Variants in GPC6 observed in about 807,000 individuals in gnomAD.
GPC6 encodes the protein glypican 6, also known as glypican-6.
In GPC6, 14 loss-of-function variants were observed where a neutral mutation model predicts 55.2. The observed-to-expected ratio is 0.25, with a 90% CI of 0.17 to 0.40. The LOEUF is 0.40. Ranked by LOEUF, GPC6 falls within the 10% of genes least tolerant of loss-of-function variation. The pLI, the probability that GPC6 is intolerant of heterozygous loss-of-function variation, is 1.00. For missense variants in GPC6, 641 were observed against 708.5 expected, an observed-to-expected ratio of 0.90 and a Z score of 1.08; for synonymous variants, 278 against 259.6, an observed-to-expected ratio of 1.07 and a Z score of -0.68.
intron 4 of GPC6, among the ~76,000 whole-genome samples, chr13:94,050,604 G>C (rs980142044): frequency 6.6e-6 from 1 of 152,158 alleles, no homozygotes; most frequent in South Asian, 2.1e-4. Context: ...TGCACCAATA[G>C]ACGTTATTGC....
At chr13:94,142,008 G>A (rs1247827897) in intron 4 of GPC6, among the ~76,000 whole-genome samples, 1 of 151,704 alleles carries the variant, frequency 6.6e-6, no homozygotes, top group Non-Finnish European at 1.5e-5. Flanking sequence ...GTGTGTGTGT[G>A]TGTGATTCTG....
chr13:93,565,944 AAAG>A (rs1876085263), intron 2 of GPC6, among the ~76,000 whole-genome samples: 2 of 151,470 alleles, frequency 1.3e-5, no homozygotes, highest in African/African-American at 2.4e-5. Flanking sequence ...CAAAAAAAAA[AAAG>A]AAAAAAAAAA....
chr13:93,954,867 G>A (rs1197472214), intron 3 of GPC6, among the ~76,000 whole-genome samples: 5 of 152,068 alleles, frequency 3.3e-5, no homozygotes, highest in Non-Finnish European at 7.4e-5. Flanking sequence ...ACAACCAAAG[G>A]CCATCTCCTT....
intron 5 of GPC6, among the ~76,000 whole-genome samples, chr13:94,296,847 AG>A (rs1373609839): frequency 6.6e-6 from 1 of 152,212 alleles, no homozygotes; most frequent in African/African-American, 2.4e-5. Context: ...TAACCTTAAG[AG>A]CATAGATAAC....
chr13:94,036,206 T>G (rs778025582), intron 4 of GPC6, among the ~76,000 whole-genome samples: 2 of 152,072 alleles, frequency 1.3e-5, no homozygotes, highest in Admixed American at 6.6e-5. Context: ...ATCGTGTCCA[T>G]AGATACTTGG....
intron 3 of GPC6, among the ~76,000 whole-genome samples, chr13:93,919,531 C>T (rs772499601): frequency 6.6e-6 from 1 of 152,086 alleles, no homozygotes; most frequent in Non-Finnish European, 1.5e-5. Flanking sequence ...AAATGTCAGA[C>T]ACATCAGATA....
intron 4 of GPC6, among the ~76,000 whole-genome samples, chr13:94,220,465 A>G (rs1890349743): frequency 6.6e-6 from 1 of 152,146 alleles, no homozygotes; most frequent in East Asian, 1.9e-4. Flanking sequence ...AAAGCACTTC[A>G]ATATTGGTAT....
At chr13:94,213,914 C>T (rs1041323008) in intron 4 of GPC6, among the ~76,000 whole-genome samples, 1 of 152,116 alleles carries the variant, frequency 6.6e-6, no homozygotes, top group Non-Finnish European at 1.5e-5. Context: ...TAAATACTAC[C>T]AACTTTAGCT....
intron 1 of GPC6, among the ~76,000 whole-genome samples, chr13:93,473,068 C>G (rs952830432): frequency 2.0e-5 from 3 of 152,134 alleles, no homozygotes; most frequent in Non-Finnish European, 4.4e-5. Context: ...AAATGTGCAC[C>G]AATTGGTCCA....
At chr13:94,359,860 T>C (rs1878974595) in intron 6 of GPC6, among the ~76,000 whole-genome samples, 1 of 152,238 alleles carries the variant, frequency 6.6e-6, no homozygotes, top group African/African-American at 2.4e-5. Flanking sequence ...GTCTGGCTTC[T>C]CAACCTTATT....
intron 1 of GPC6, among the ~76,000 whole-genome samples, chr13:93,503,802 G>A (rs372550539): frequency 6.1e-4 from 93 of 152,240 alleles, no homozygotes; most frequent in African/African-American, 2.1e-3. Flanking sequence ...ACTACTTTGT[G>A]TTAAGTATAA....
chr13:93,997,581 A>ATGTGTGTGTGTGTGTGTGTGTG lies in GPC6; in HGVS notation c.712-30143_712-30122dup, dbSNP rs146601294. 9.4e-5 allele frequency among the ~76,000 whole-genome samples: 14 copies of ATGTGTGTGTGTGTGTGTGTGTG among 148,926 alleles called. No homozygotes were observed. In the East Asian group the frequency reaches 2.4e-3, roughly 25 times the overall value. ...TCACATCAGCATAAAAAGACATAAT[A>ATGTGTGTGTGTGTGTGTGTGTG]TGTGTGTGTGTGTGTGTGTGTGTGT... On this transcript the variant is annotated intron_variant, in intron 3 of 8. Coordinates refer to ENST00000377047, the MANE Select transcript of GPC6 (RefSeq NM_005708.5).
Position 94,404,368 on chromosome 13 carries a change from C to G in GPC6, c.*1151C>G, listed in dbSNP as rs1419882793. ...TTCACTTTTTTAGTCTTAGTATGAT[C>G]ATCTATTTTTATATCTATGTATATA... On this transcript the variant is annotated 3_prime_UTR_variant, in exon 9 of 9. Coordinates refer to ENST00000377047, the MANE Select transcript of GPC6 (RefSeq NM_005708.5). The G allele has an allele frequency of 6.6e-6, 1 of 151,978 alleles. No individual in the cohort carries two copies. Among genetic ancestry groups the G allele is most frequent in the Admixed American group, 6.6e-5 (1 of 15,258 alleles). 9.4% of individuals were successfully genotyped at this position (151,978 alleles called of 1,614,324 possible).
chr13:93,903,221 G>C (rs1046601683), intron 3 of GPC6, among the ~76,000 whole-genome samples: 1 of 152,136 alleles, frequency 6.6e-6, no homozygotes, highest in Non-Finnish European at 1.5e-5. Context: ...GATAAATGGA[G>C]TTACATACAT....
intron 3 of GPC6, among the ~76,000 whole-genome samples, chr13:93,992,432 T>C (rs747467494): frequency 6.6e-6 from 1 of 152,204 alleles, no homozygotes; most frequent in South Asian, 2.1e-4. Flanking sequence ...TTGTGTACTT[T>C]ATTATAGAGG....
At chr13:94,368,438 C>G (rs922574015) in intron 6 of GPC6, among the ~76,000 whole-genome samples, 11 of 152,124 alleles carry the variant, frequency 7.2e-5, no homozygotes, top group Non-Finnish European at 1.6e-4. Flanking sequence ...AGCAATTTCT[C>G]CACCAAGCAT....
intron 2 of GPC6, among the ~76,000 whole-genome samples, chr13:93,761,892 T>G (rs2138877978): frequency 6.6e-6 from 1 of 152,272 alleles, no homozygotes; most frequent in East Asian, 1.9e-4. Flanking sequence ...AATCCACTCT[T>G]TTAGCTTTTT....
At chr13:94,348,636 C>T (rs1220196795) in intron 6 of GPC6, among the ~76,000 whole-genome samples, 5 of 152,176 alleles carry the variant, frequency 3.3e-5, no homozygotes, top group Non-Finnish European at 7.3e-5. Flanking sequence ...TTAGTAGCTA[C>T]TCCTTGAAGT....
chr13:93,661,484 G>A (rs1282520967), intron 2 of GPC6, among the ~76,000 whole-genome samples: 3 of 152,192 alleles, frequency 2.0e-5, no homozygotes, highest in Middle Eastern at 3.4e-3. Flanking sequence ...GATTGTGCTC[G>A]TGAGCCACCG....
Sources: allele counts gnomAD v4.1 joint callset (sites outside exome capture counted in the v4.1 genomes callset), GRCh38; gene constraint gnomAD v4.1.1; transcripts MANE v1.5; gene names NCBI Gene and HGNC (gene_info 2026-07-23, HGNC 2026-07-21).